THSD7B: variants seen among roughly 807,000 people sequenced by gnomAD.
THSD7B encodes the protein thrombospondin type-1 domain-containing protein 7B.
THSD7B carries 138 observed loss-of-function variants against 213.6 expected under a neutral mutation model. The observed-to-expected ratio is 0.65, with a 90% CI of 0.56 to 0.74. THSD7B has a LOEUF of 0.74. Among genes scored for constraint, THSD7B ranks in the 30% least tolerant of loss-of-function variants. The pLI is 0.00. For synonymous variants in THSD7B, 742 were observed against 687.0 expected (o/e 1.08, Z -1.25); for missense variants, 1,931 against 1,991.5 (o/e 0.97, Z 0.58).
rs1683709409 is a variant in THSD7B at position 137,676,672 on chromosome 2, C to T, written c.*67C>T. Reference sequence around the variant, plus strand: ...CGCTTTCTCTTTTGTAGCTCTCAGACTTCTCAGTTTTTTGAGGAATCTCAA... The same window carrying T: ...CGCTTTCTCTTTTGTAGCTCTCAGATTTCTCAGTTTTTTGAGGAATCTCAA... On this transcript the variant is annotated 3_prime_UTR_variant, in exon 28 of 28. Transcript: ENST00000409968. 2 of 1,393,834 alleles carry T rather than the reference C, an allele frequency of 1.4e-6. No homozygotes were observed. The highest frequency in any genetic ancestry group is 1.9e-6 in the Non-Finnish European group (2 of 1,040,864). 86.3% of individuals were successfully genotyped at this position (1,393,834 alleles called of 1,614,324 possible).
intron 15 of THSD7B, among the ~76,000 whole-genome samples, chr2:137,484,223 A>G (rs1368994274): frequency 7.2e-6 from 1 of 138,948 alleles, no homozygotes; most frequent in Non-Finnish European, 1.5e-5. Flanking sequence ...TCCTGTGTCC[A>G]TGTGTTCTTA....
At chr2:137,308,658 A>G (rs1683814817) in intron 12 of THSD7B, among the ~76,000 whole-genome samples, 1 of 152,180 alleles carries the variant, frequency 6.6e-6, no homozygotes, top group Non-Finnish European at 1.5e-5. Flanking sequence ...AGAATATTAT[A>G]TGTTTTTGAA....
At chr2:137,615,758 TC>T (rs1390949022) in intron 17 of THSD7B, among the ~76,000 whole-genome samples, 3 of 152,202 alleles carry the variant, frequency 2.0e-5, no homozygotes, top group Non-Finnish European at 4.4e-5. Flanking sequence ...ATGAAAATTT[TC>T]TGTGTGATTA....
chr2:136,916,302 C>G (rs1411821613), intron 2 of THSD7B, among the ~76,000 whole-genome samples: 2 of 152,164 alleles, frequency 1.3e-5, no homozygotes, highest in African/African-American at 2.4e-5. Context: ...ATATTCCGGT[C>G]TACTGGTTCA....
intron 3 of THSD7B, among the ~76,000 whole-genome samples, chr2:137,058,435 T>A (rs1426888097): frequency 6.6e-6 from 1 of 152,190 alleles, no homozygotes; most frequent in Non-Finnish European, 1.5e-5. Flanking sequence ...GTTTGTGCAT[T>A]TTTGCAGTGT....
At chr2:136,916,596 C>T (rs771187388) in intron 2 of THSD7B, among the ~76,000 whole-genome samples, 5 of 152,172 alleles carry the variant, frequency 3.3e-5, no homozygotes, top group Non-Finnish European at 5.9e-5. Flanking sequence ...TTCCACGGAG[C>T]GTTTTATTGT....
chr2:136,813,001 G>A (rs544391761), intron 1 of THSD7B, among the ~76,000 whole-genome samples: 70 of 152,178 alleles, frequency 4.6e-4, no homozygotes, highest in Middle Eastern at 3.4e-3. Context: ...ACATTTGGCC[G>A]GCAATTAAAT....
intron 15 of THSD7B, among the ~76,000 whole-genome samples, chr2:137,537,761 C>T (rs1020225746): frequency 7.3e-5 from 11 of 151,704 alleles, no homozygotes; most frequent in African/African-American, 2.7e-4. Flanking sequence ...ATTTACATTG[C>T]TTTTAGACTA....
At chr2:136,918,842 A>G (rs536591560) in intron 2 of THSD7B, among the ~76,000 whole-genome samples, 4 of 152,318 alleles carry the variant, frequency 2.6e-5, no homozygotes, top group East Asian at 1.9e-4. Context: ...CGTTTCTTTA[A>G]TTCAACATCT....
At chr2:137,643,192 C>T (rs1360435555) in intron 21 of THSD7B, among the ~76,000 whole-genome samples, 1 of 152,160 alleles carries the variant, frequency 6.6e-6, no homozygotes, top group Non-Finnish European at 1.5e-5. Flanking sequence ...ATATCACGTA[C>T]CAAGAGCTTT....
At position 137,056,453 on chromosome 2, in the gene THSD7B, C is replaced by T; in HGVS notation, c.173C>T (p.Pro58Leu). ...GGAAGGTGTACAGGAGACTGTGGTCCCGGAGGAGTCCAGAGTCGGGCAGTG... is the reference window on the plus strand; with the variant it reads ...GGAAGGTGTACAGGAGACTGTGGTCTCGGAGGAGTCCAGAGTCGGGCAGTG... ...PWGRCTGDCG[P>L]GGVQSRAVWC... is the part of the protein sequence containing the mutation. The change falls in exon 3 of 28, where the codon CCC (proline) becomes CTC (leucine). Residue 58 changes from proline (P) to leucine (L), a missense_variant. Coordinates refer to ENST00000409968, the MANE Select transcript of THSD7B (RefSeq NM_001316349.2). 1 of 1,613,696 alleles carries T rather than the reference C, an allele frequency of 6.2e-7. No individual in the cohort carries two copies. Among genetic ancestry groups the T allele is most frequent in the Non-Finnish European group, 8.5e-7 (1 of 1,179,800 alleles).
chr2:137,476,334 T>C (rs548988626), intron 15 of THSD7B, among the ~76,000 whole-genome samples: 3 of 152,234 alleles, frequency 2.0e-5, no homozygotes, highest in African/African-American at 7.2e-5. Context: ...TGGTTCCGTT[T>C]GTTTATTTTT....
At position 137,642,594 on chromosome 2, in the gene THSD7B, C is replaced by T; in HGVS notation, c.3906C>T (p.Tyr1302=). 2 of 1,613,920 alleles carry T rather than the reference C, an allele frequency of 1.2e-6. No individual in the cohort carries two copies. Among genetic ancestry groups the T allele is most frequent in the African/African-American group, 1.3e-5 (1 of 75,036 alleles). ...AAACCTGCCCAGTGACCCCCTGCTA[C>T]AGCTGGGTCCTTGGCAACTGGTCTG... ...QEKTCPVTPC[Y]SWVLGNWSAC... The change falls in exon 21 of 28, where the codon TAC becomes TAT. Residue 1302 remains tyrosine (Y), a synonymous_variant. Coordinates refer to ENST00000409968, the MANE Select transcript of THSD7B (RefSeq NM_001316349.2).
chr2:137,122,111 T>C (rs1382543394), intron 5 of THSD7B, among the ~76,000 whole-genome samples: 1 of 152,172 alleles, frequency 6.6e-6, no homozygotes, highest in African/African-American at 2.4e-5. Flanking sequence ...CCCAGTAGTT[T>C]TGGGCTAAGG....
intron 3 of THSD7B, 110 bp from the exon 4 acceptor site, chr2:137,094,763 T>G (rs779468011): frequency 2.9e-6 from 4 of 1,388,390 alleles, no homozygotes; most frequent in Non-Finnish European, 3.9e-6. Flanking sequence ...ATCTTCCTAT[T>G]AAACGCTTAA....
At chr2:137,256,969 C>T (rs775392827) in intron 10 of THSD7B, among the ~76,000 whole-genome samples, 1 of 152,088 alleles carries the variant, frequency 6.6e-6, no homozygotes, top group Non-Finnish European at 1.5e-5. Context: ...CCTTCTTGCT[C>T]GTGGGGAGTC....
intron 5 of THSD7B, among the ~76,000 whole-genome samples, chr2:137,143,837 T>C (rs1471106807): frequency 6.6e-6 from 1 of 152,142 alleles, no homozygotes; most frequent in Non-Finnish European, 1.5e-5. Context: ...TTCTTCCATA[T>C]ACTGTATTTT....
rs572627533 is a variant in THSD7B at position 137,275,523 on chromosome 2, T to G, written c.2397-400T>G. On this transcript the variant is annotated intron_variant, in intron 11 of 27. Coordinates refer to ENST00000409968, the MANE Select transcript of THSD7B (RefSeq NM_001316349.2). ...GTGGGACACAGGGATTTTCTCTCTC[T>G]TGTTTTCTTGTATTGTTTTTTTTTT... Among the ~76,000 whole-genome samples the G allele has an allele frequency of 7.3e-5, 11 of 151,698 alleles. 1 individual carries two copies. The East Asian group carries it at 2.1e-3, about 29-fold the overall frequency.
At chr2:137,253,016 T>C (rs1481744635) in intron 10 of THSD7B, among the ~76,000 whole-genome samples, 1 of 141,906 alleles carries the variant, frequency 7.0e-6, no homozygotes, top group Non-Finnish European at 1.5e-5. Flanking sequence ...CTCCAGAGAA[T>C]AGAAATGCAG....
Sources: allele counts gnomAD v4.1 joint callset (sites outside exome capture counted in the v4.1 genomes callset), GRCh38; gene constraint gnomAD v4.1.1; transcripts MANE v1.5; gene names NCBI Gene and HGNC (gene_info 2026-07-23, HGNC 2026-07-21).